Variants in EPHB1 observed in about 807,000 individuals in gnomAD.
The protein encoded by EPHB1 is ephrin type-B receptor 1.
In EPHB1, 30 loss-of-function variants were observed where a neutral mutation model predicts 94.4. That is an observed-to-expected ratio of 0.32 (90% CI 0.24 to 0.43). The LOEUF is 0.43. EPHB1 is among the 20% of genes least tolerant of loss of function. EPHB1 has a pLI of 1.00. For synonymous variants in EPHB1, 522 were observed against 489.1 expected (o/e 1.07, Z -0.89); for missense variants, 1,055 against 1,308.3 (o/e 0.81, Z 2.99).
intron 3 of EPHB1, among the ~76,000 whole-genome samples, chr3:135,087,183 C>T (rs1210042503): frequency 6.6e-6 from 1 of 152,062 alleles, no homozygotes; most frequent in Non-Finnish European, 1.5e-5. Context: ...AGAGTGCTTC[C>T]AGAAATGTGC....
At chr3:135,255,538 T>A (rs1933343138) in intron 15 of EPHB1, among the ~76,000 whole-genome samples, 1 of 147,472 alleles carries the variant, frequency 6.8e-6, no homozygotes, top group Non-Finnish European at 1.5e-5. Context: ...TGAGTGAGAT[T>A]CTTAATCCTG....
chr3:134,874,834 A>T (rs945795663), intron 1 of EPHB1, among the ~76,000 whole-genome samples: 3 of 152,196 alleles, frequency 2.0e-5, no homozygotes, highest in Admixed American at 6.5e-5. Flanking sequence ...TAGTTACCCG[A>T]TGGGCTATTT....
intron 2 of EPHB1, among the ~76,000 whole-genome samples, chr3:134,929,582 A>G (rs2038864440): frequency 6.6e-6 from 1 of 152,140 alleles, no homozygotes; most frequent in Non-Finnish European, 1.5e-5. Flanking sequence ...CTGGCACCTT[A>G]TTTCATGACA....
At chr3:134,876,566 C>T (rs778744056) in intron 1 of EPHB1, among the ~76,000 whole-genome samples, 8 of 152,204 alleles carry the variant, frequency 5.3e-5, no homozygotes, top group Admixed American at 2.0e-4. Flanking sequence ...GTGGCAAAGA[C>T]AGCCACCCAG....
intron 10 of EPHB1, among the ~76,000 whole-genome samples, chr3:135,180,289 A>G (rs1439575268): frequency 6.6e-6 from 1 of 152,240 alleles, no homozygotes; most frequent in Non-Finnish European, 1.5e-5. Flanking sequence ...TAAGGTACTT[A>G]GTTGAGAAGG....
At chr3:135,004,445 G>T (rs1218360670) in intron 3 of EPHB1, among the ~76,000 whole-genome samples, 6 of 152,020 alleles carry the variant, frequency 3.9e-5, no homozygotes, top group Non-Finnish European at 8.8e-5. Flanking sequence ...TCTTGGAGTT[G>T]CTCTTCTCCA....
intron 3 of EPHB1, among the ~76,000 whole-genome samples, chr3:135,068,890 T>C (rs1937623753): frequency 6.6e-6 from 1 of 151,498 alleles, no homozygotes; most frequent in Admixed American, 6.6e-5. Flanking sequence ...CCTCGTGATC[T>C]GCCCGCCCCG....
At chr3:134,797,975 C>T (rs1340590928) in intron 1 of EPHB1, among the ~76,000 whole-genome samples, 1 of 152,230 alleles carries the variant, frequency 6.6e-6, no homozygotes, top group Non-Finnish European at 1.5e-5. Flanking sequence ...CACACGGAGC[C>T]GCCTTCCCGC....
At chr3:134,876,965 C>T (rs2037629061) in intron 1 of EPHB1, among the ~76,000 whole-genome samples, 1 of 152,186 alleles carries the variant, frequency 6.6e-6, no homozygotes, top group South Asian at 2.1e-4. Context: ...TCCTCATGCA[C>T]ATGTGTTACA....
intron 12 of EPHB1, among the ~76,000 whole-genome samples, chr3:135,232,410 T>C (rs1343375810): frequency 6.6e-6 from 1 of 152,198 alleles, no homozygotes; most frequent in Non-Finnish European, 1.5e-5. Flanking sequence ...TACAATGGAT[T>C]GCACAGACCC....
intron 12 of EPHB1, among the ~76,000 whole-genome samples, chr3:135,223,542 GC>G (rs1331527474): frequency 6.6e-6 from 1 of 152,130 alleles, no homozygotes; most frequent in African/African-American, 2.4e-5. Flanking sequence ...TCCAATACTG[GC>G]TTTTAAAGAA....
At chr3:134,940,073 G>A (rs2039083073) in intron 2 of EPHB1, among the ~76,000 whole-genome samples, 1 of 152,168 alleles carries the variant, frequency 6.6e-6, no homozygotes, top group South Asian at 2.1e-4. Flanking sequence ...TTCCCAGAGG[G>A]AAAGGGAAGG....
At chr3:135,258,891 A>T in intron 15 of EPHB1, 121 bp from the exon 16 acceptor site, 2 of 856,478 alleles carry the variant, frequency 2.3e-6, no homozygotes, top group Non-Finnish European at 3.7e-6. Context: ...GGGTAAACTT[A>T]AGCTAGTTGG....
At chr3:135,122,033 G>T (rs1466687544) in intron 4 of EPHB1, among the ~76,000 whole-genome samples, 1 of 152,104 alleles carries the variant, frequency 6.6e-6, no homozygotes, top group African/African-American at 2.4e-5. Context: ...CCATCTCCAG[G>T]CTCAGGGGGA....
intron 3 of EPHB1, among the ~76,000 whole-genome samples, chr3:135,068,585 AC>A (rs1318262933): frequency 6.6e-6 from 1 of 150,672 alleles, no homozygotes; most frequent in Non-Finnish European, 1.5e-5. Context: ...TATATTTTCT[AC>A]CATTTTATGA....
intron 11 of EPHB1, among the ~76,000 whole-genome samples, chr3:135,196,816 A>G (rs1322055206): frequency 1.3e-5 from 2 of 152,190 alleles, no homozygotes; most frequent in African/African-American, 2.4e-5. Flanking sequence ...ATTATGCTTC[A>G]ACCACACATT....
chr3:134,955,118 T>A (rs1933213348), intron 3 of EPHB1, among the ~76,000 whole-genome samples: 2 of 31,154 alleles, frequency 6.4e-5, no homozygotes, highest in East Asian at 3.6e-4. Context: ...TTTTTTTTTT[T>A]AATTATACTC....
At chr3:135,004,729 C>G (rs1008840579) in intron 3 of EPHB1, among the ~76,000 whole-genome samples, 11 of 151,530 alleles carry the variant, frequency 7.3e-5, no homozygotes, top group Non-Finnish European at 1.2e-4. Context: ...TTACTGATAC[C>G]CTTTCTTCCA....
intron 5 of EPHB1, among the ~76,000 whole-genome samples, chr3:135,135,685 C>G (rs17766045): frequency 0.2 from 30,813 of 152,098 alleles, 3,966 homozygotes; most frequent in Non-Finnish European, 0.29. Flanking sequence ...TGGTATGACC[C>G]CTCTCTGTGC....
Sources: allele counts gnomAD v4.1 joint callset (sites outside exome capture counted in the v4.1 genomes callset), GRCh38; gene constraint gnomAD v4.1.1; transcripts MANE v1.5; gene names NCBI Gene and HGNC (gene_info 2026-07-23, HGNC 2026-07-21).